ABTB3: variants seen among roughly 807,000 people sequenced by gnomAD.
The protein encoded by ABTB3 is ankyrin repeat- and BTB/POZ domain-containing protein 3.
At chr12:107,347,919 T>A in the ABTB3 span, among the ~76,000 whole-genome samples, 9 of 152,086 alleles carry the variant, frequency 5.9e-5, no homozygotes, top group African/African-American at 2.2e-4. Flanking sequence ...AACAATGAAA[T>A]ACCAGCAAGC....
the ABTB3 span, among the ~76,000 whole-genome samples, chr12:107,450,551 T>C: frequency 6.6e-6 from 1 of 152,184 alleles, no homozygotes; most frequent in South Asian, 2.1e-4. Context: ...TTAGGGAGGA[T>C]TCAGTGGGCT....
At chr12:107,379,033 A>G in the ABTB3 span, among the ~76,000 whole-genome samples, 1 of 152,156 alleles carries the variant, frequency 6.6e-6, no homozygotes, top group African/African-American at 2.4e-5. Context: ...ATCAAAGTTG[A>G]CATCCTGGAC....
the ABTB3 span, among the ~76,000 whole-genome samples, chr12:107,322,534 A>C: frequency 1.3e-5 from 2 of 152,270 alleles, no homozygotes; most frequent in Admixed American, 1.3e-4. Flanking sequence ...TACCTTACAT[A>C]ATAGATTTTC....
At chr12:107,386,921 G>A in the ABTB3 span, among the ~76,000 whole-genome samples, 2 of 151,600 alleles carry the variant, frequency 1.3e-5, no homozygotes, top group African/African-American at 2.4e-5. Context: ...GTGTGTGTGT[G>A]TGTATGTGTG....
chr12:107,493,417 C>T, the ABTB3 span, among the ~76,000 whole-genome samples: 2 of 152,144 alleles, frequency 1.3e-5, no homozygotes, highest in African/African-American at 4.8e-5. Flanking sequence ...GCAACGTTTT[C>T]CCAGCAAACG....
At chr12:107,517,383 AGT>A in the ABTB3 span, among the ~76,000 whole-genome samples, 6 of 152,296 alleles carry the variant, frequency 3.9e-5, no homozygotes, top group South Asian at 8.3e-4. Flanking sequence ...AATTTAAAGT[AGT>A]GTTTTCCAAT....
the ABTB3 span, among the ~76,000 whole-genome samples, chr12:107,512,926 C>T: frequency 6.6e-6 from 1 of 152,124 alleles, no homozygotes. Context: ...AAAACCAAGG[C>T]ACAGAATGAT....
the ABTB3 span, among the ~76,000 whole-genome samples, chr12:107,499,885 T>G: frequency 9.2e-5 from 14 of 152,102 alleles, no homozygotes; most frequent in Admixed American, 2.6e-4. Context: ...AGGGTTTCCC[T>G]ATGTTGGCCA....
chr12:107,341,776 G>A, the ABTB3 span, among the ~76,000 whole-genome samples: 1 of 152,068 alleles, frequency 6.6e-6, no homozygotes, highest in South Asian at 2.1e-4. Flanking sequence ...GAGGTGTTTC[G>A]ATCCCTGTTG....
At chr12:107,656,201 C>T in the ABTB3 span, among the ~76,000 whole-genome samples, 1 of 151,084 alleles carries the variant, frequency 6.6e-6, no homozygotes, top group Non-Finnish European at 1.5e-5. Flanking sequence ...CTCAGAAGGC[C>T]GAGGCAGGAG....
chr12:107,514,929 A>C, the ABTB3 span, among the ~76,000 whole-genome samples: 1 of 152,194 alleles, frequency 6.6e-6, no homozygotes, highest in East Asian at 1.9e-4. Flanking sequence ...GTGCACGTTA[A>C]CTGACTTTCC....
the ABTB3 span, among the ~76,000 whole-genome samples, chr12:107,570,955 G>A: frequency 6.6e-6 from 1 of 152,158 alleles, no homozygotes; most frequent in African/African-American, 2.4e-5. Flanking sequence ...CTGGCTCTGA[G>A]CCCAGCTGCC....
the ABTB3 span, among the ~76,000 whole-genome samples, chr12:107,395,692 T>G: frequency 6.6e-6 from 1 of 152,162 alleles, no homozygotes; most frequent in Admixed American, 6.6e-5. Context: ...CCAGGTGCTG[T>G]AAGAGTGCCA....
the ABTB3 span, among the ~76,000 whole-genome samples, chr12:107,596,952 C>T: frequency 6.6e-6 from 1 of 152,224 alleles, no homozygotes; most frequent in Non-Finnish European, 1.5e-5. Context: ...TTCAGGTGTC[C>T]AGTAAACTGA....
the ABTB3 span, among the ~76,000 whole-genome samples, chr12:107,361,514 G>A: frequency 0.012 from 1,755 of 152,228 alleles, 19 homozygotes; most frequent in Non-Finnish European, 0.017. Context: ...GTAACTTTTC[G>A]TATATGATTG....
the ABTB3 span, among the ~76,000 whole-genome samples, chr12:107,365,948 C>T: frequency 1.3e-5 from 2 of 152,216 alleles, no homozygotes; most frequent in African/African-American, 2.4e-5. Context: ...CAGTTGGCTT[C>T]GATGGGGGGC....
chr12:107,637,406 A>AAAAAT, the ABTB3 span, among the ~76,000 whole-genome samples: 2 of 152,182 alleles, frequency 1.3e-5, no homozygotes, highest in Admixed American at 6.5e-5. Context: ...AATTTAAAAA[A>AAAAAT]AAAATGTTTT....
chr12:107,523,415 C>T, the ABTB3 span, among the ~76,000 whole-genome samples: 15 of 152,320 alleles, frequency 9.8e-5, no homozygotes, highest in African/African-American at 3.1e-4. Flanking sequence ...GTTACAACAC[C>T]TTTGGCAATG....
At chr12:107,361,271 T>G in the ABTB3 span, among the ~76,000 whole-genome samples, 1 of 152,332 alleles carries the variant, frequency 6.6e-6, no homozygotes, top group South Asian at 2.1e-4. Context: ...TCCCAATGTT[T>G]TTATGCATTT....
Sources: allele counts gnomAD v4.1 joint callset (sites outside exome capture counted in the v4.1 genomes callset), GRCh38; gene constraint gnomAD v4.1.1; transcripts MANE v1.5; gene names NCBI Gene and HGNC (gene_info 2026-07-23, HGNC 2026-07-21).